ZFYVE1: variants seen among roughly 807,000 people sequenced by gnomAD.
ZFYVE1 encodes zinc finger FYVE-type containing 1.
ZFYVE1 carries 30 observed loss-of-function variants against 74.4 expected under a neutral mutation model. The ratio of observed to expected loss-of-function variants is 0.40; its 90% CI spans 0.30 to 0.55. The LOEUF is 0.55. ZFYVE1 is among the 20% of genes least tolerant of loss of function. ZFYVE1 has a pLI of 0.42. For synonymous variants in ZFYVE1, 335 were observed against 385.1 expected (o/e 0.87, Z 1.52); for missense variants, 703 against 1,011.6 (o/e 0.69, Z 4.14).
chr14:73,002,757 T>C (rs1168319959), intron 2 of ZFYVE1, among the ~76,000 whole-genome samples: 1 of 148,166 alleles, frequency 6.7e-6, no homozygotes, highest in Non-Finnish European at 1.5e-5. Flanking sequence ...TTTTTTTTTT[T>C]CTGAGACAGA....
At chr14:72,972,585 G>A (rs1893061879) in intron 11 of ZFYVE1, among the ~76,000 whole-genome samples, 1 of 152,182 alleles carries the variant, frequency 6.6e-6, no homozygotes, top group Non-Finnish European at 1.5e-5. Context: ...GTGCCACGCT[G>A]CCCCAGGCCT....
At chr14:73,003,295 T>G (rs1893914263) in intron 2 of ZFYVE1, among the ~76,000 whole-genome samples, 1 of 152,064 alleles carries the variant, frequency 6.6e-6, no homozygotes, top group South Asian at 2.1e-4. Context: ...TGACTTCAGG[T>G]GATCTGCCTC....
chr14:73,003,073 G>A (rs550488926), intron 2 of ZFYVE1, among the ~76,000 whole-genome samples: 309 of 21,384 alleles, frequency 0.014, 1 homozygote, highest in Non-Finnish European at 0.022. Context: ...TTTTTTTTTT[G>A]AGACAGGATC....
intron 2 of ZFYVE1, among the ~76,000 whole-genome samples, chr14:72,998,850 C>CA (rs551199975): frequency 7.3e-4 from 82 of 112,028 alleles, no homozygotes; most frequent in African/African-American, 1.2e-3. Flanking sequence ...GACCCTGCCT[C>CA]AAAAAAAAAA....
chr14:72,971,087 G>A lies in ZFYVE1; in HGVS notation c.2129C>T (p.Ala710Val). 3.1e-6 allele frequency: 5 copies of A among 1,614,188 alleles called. No individual in the cohort carries two copies. The highest frequency in any genetic ancestry group is 2.2e-5 in the East Asian group (1 of 44,888). The change falls in exon 12 of 12, where the codon GCG becomes GTG. Residue 710 changes from alanine (A) to valine (V), a missense_variant. Ala to Val is a moderately conservative substitution (Grantham distance 64). Around this residue, in one of 2 missense-constraint regions of ZFYVE1, gnomAD observed 492 missense variants for 790.0 expected, o/e 0.62. Transcript: ENST00000556143. Reference sequence around the variant, plus strand: ...GATTTCGTGGTCAGGCACCCAGTACGCAGGCCTGGCCGCGTCCTTTACCAG... The same window carrying A: ...GATTTCGTGGTCAGGCACCCAGTACACAGGCCTGGCCGCGTCCTTTACCAG... Reference protein sequence around the residue: ...LGLVKDAARPAYWVPDHEILH... With the variant: ...LGLVKDAARPVYWVPDHEILH...
In ZFYVE1 at chr14:72,993,173, C is replaced by T. The variant is rs1567353380; in HGVS notation, c.1173G>A (p.Arg391=). 1.2e-6 allele frequency: 2 copies of T among 1,611,898 alleles called. No homozygotes were observed. The highest frequency in any genetic ancestry group is 1.7e-6 in the Non-Finnish European group (2 of 1,178,728). Residue 391 remains arginine (R), a synonymous_variant, in exon 4 of 12, where the codon CGG becomes CGA. Transcript: ENST00000556143. The part of the protein sequence containing the change: ...LLENNTTRSP[R]HPGVIFKALK... ...GGGCTTTGAAGATGACTCCCGGGTGCCGGGGAGAACGGGTGGTGTTATTCT... is the reference window on the plus strand; with the variant it reads ...GGGCTTTGAAGATGACTCCCGGGTGTCGGGGAGAACGGGTGGTGTTATTCT...
At chr14:73,026,452 G>C (rs61988077) in intron 1 of ZFYVE1, among the ~76,000 whole-genome samples, 22,291 of 152,130 alleles carry the variant, frequency 0.15, 1,890 homozygotes, top group South Asian at 0.24. Flanking sequence ...AACAAGGAAG[G>C]CGAAGGGAGT....
At chr14:72,996,107 G>A (rs867970737) in intron 3 of ZFYVE1, among the ~76,000 whole-genome samples, 5 of 152,054 alleles carry the variant, frequency 3.3e-5, no homozygotes, top group African/African-American at 7.2e-5. Context: ...CATGGCAGTC[G>A]GGGTGGCAGG....
intron 4 of ZFYVE1, among the ~76,000 whole-genome samples, chr14:72,983,651 G>A (rs1432676046): frequency 2.0e-5 from 3 of 151,922 alleles, no homozygotes; most frequent in Non-Finnish European, 2.9e-5. Flanking sequence ...GAATAGTGCC[G>A]CAATAAACAT....
chr14:73,004,852 G>A (rs902606413), intron 2 of ZFYVE1, among the ~76,000 whole-genome samples: 17 of 151,952 alleles, frequency 1.1e-4, no homozygotes, highest in African/African-American at 4.1e-4. Context: ...ACAAAAAATT[G>A]GCCAGGCGTT....
intron 2 of ZFYVE1, among the ~76,000 whole-genome samples, chr14:73,003,355 T>C (rs963256445): frequency 1.3e-5 from 2 of 152,144 alleles, no homozygotes; most frequent in African/African-American, 4.8e-5. Flanking sequence ...TTGCTGATTC[T>C]CAAGAGTCTG....
rs776599827 is a variant in ZFYVE1, at chr14:72,978,058, A to G, written c.1518-14T>C. 5 of 1,614,158 alleles carry G rather than the reference A, an allele frequency of 3.1e-6. No homozygotes were observed. The Admixed American group carries it at 8.3e-5, about 27-fold the overall frequency. The stretch of plus-strand genomic sequence containing the variant: ...TCGATCACATACCTACAAGGAAAGC[A>G]AATCAATACTGTTACCCAGCCAGGT... On this transcript the variant is annotated splice_polypyrimidine_tract_variant and intron_variant, in intron 7 of 11. Coordinates refer to ENST00000556143, the MANE Select transcript of ZFYVE1 (RefSeq NM_021260.4).
chr14:72,992,633 A>AAG (rs928702904), intron 4 of ZFYVE1, among the ~76,000 whole-genome samples: 2 of 94,146 alleles, frequency 2.1e-5, no homozygotes, highest in African/African-American at 4.5e-5. Flanking sequence ...CGCCCCTTGC[A>AAG]AGAGAGAGAG....
intron 3 of ZFYVE1, among the ~76,000 whole-genome samples, chr14:72,996,991 G>C (rs1257615127): frequency 1.3e-5 from 2 of 152,072 alleles, no homozygotes; most frequent in African/African-American, 2.4e-5. Flanking sequence ...TGACAATCTT[G>C]CTTCCTATTT....
chr14:73,019,551 AT>A (rs1278406731), intron 2 of ZFYVE1, among the ~76,000 whole-genome samples: 1 of 152,256 alleles, frequency 6.6e-6, no homozygotes, highest in African/African-American at 2.4e-5. Context: ...TAACACTTTG[AT>A]AATGATAAAT....
chr14:73,023,385 A>ATT (rs1567367014), intron 2 of ZFYVE1, among the ~76,000 whole-genome samples: 1 of 8,134 alleles, frequency 1.2e-4, no homozygotes, highest in Non-Finnish European at 4.4e-4. Context: ...TAATATATAT[A>ATT]TTTTATGTGT....
chr14:72,978,336 T>C lies in ZFYVE1; in HGVS notation c.1420-102A>G, dbSNP rs1594832151. On this transcript the variant is annotated intron_variant, in intron 6 of 11. Coordinates refer to ENST00000556143, the MANE Select transcript of ZFYVE1 (RefSeq NM_021260.4). ...CCAGGCTGGTTGTGAACTCCTGGGCTCAAGCAATCTGCCCGATCTCAGGAG... is the reference window on the plus strand; with the variant it reads ...CCAGGCTGGTTGTGAACTCCTGGGCCCAAGCAATCTGCCCGATCTCAGGAG... 3.7e-5 allele frequency: 39 copies of C among 1,065,938 alleles called. No individual in the cohort carries two copies. In the East Asian group the frequency reaches 9.8e-4, roughly 27 times the overall value. 66.0% of individuals were successfully genotyped at this position (1,065,938 alleles called of 1,614,324 possible). A position where few individuals can be genotyped will look rare whatever the true frequency, so the allele number is the denominator to read the frequency against.
At chr14:73,025,725 T>C (rs11626553) in intron 1 of ZFYVE1, among the ~76,000 whole-genome samples, 28,956 of 147,354 alleles carry the variant, frequency 0.2, 3,560 homozygotes, top group East Asian at 0.43. Flanking sequence ...AATCTCAAAA[T>C]TGTGGCTAAA....
Position 73,024,550 on chromosome 14 carries a change from C to T in ZFYVE1, c.-42G>A. 2 of 1,537,732 alleles carry T rather than the reference C, an allele frequency of 1.3e-6. No homozygotes were observed. The highest frequency in any genetic ancestry group is 1.3e-5 in the South Asian group (1 of 78,064). ...AAACACACCCACCATATAATAGTCA[C>T]TGAGCTTGCCCCGGGGGTGAAGACG... On this transcript the variant is annotated 5_prime_UTR_variant, in exon 2 of 12. The change creates a new upstream start codon in the 5' untranslated region. Coordinates refer to ENST00000556143, the MANE Select transcript of ZFYVE1 (RefSeq NM_021260.4).
Sources: gnomAD v4.1 joint callset for allele counts (sites outside exome capture counted in the v4.1 genomes callset) on GRCh38, gnomAD v4.1.1 for gene constraint, gnomAD v4.1.1 regional missense constraint, MANE v1.5 for transcripts, NCBI Gene and HGNC (gene_info 2026-07-23, HGNC 2026-07-21) for gene names.